Variants in CELF2 observed in about 807,000 individuals in gnomAD.
CELF2 encodes CUG triplet repeat RNA-binding protein 2.
A neutral mutation model predicts 62.6 loss-of-function variants in CELF2; 8 were observed. The observed-to-expected ratio is 0.13, with a 90% CI of 0.07 to 0.23. The LOEUF (loss-of-function observed/expected upper bound fraction) is 0.23. CELF2 is among the 10% of genes least tolerant of loss of function. CELF2 has a pLI of 1.00. For synonymous variants in CELF2, 258 were observed against 250.0 expected, an observed-to-expected ratio of 1.03 and a Z score of -0.30; for missense variants, 333 against 671.0, an observed-to-expected ratio of 0.50 and a Z score of 5.56.
intron 1 of CELF2, among the ~76,000 whole-genome samples, chr10:11,128,912 A>G (rs2059171988): frequency 1.3e-5 from 2 of 152,158 alleles, no homozygotes; most frequent in South Asian, 2.1e-4. Context: ...TTCCAACACT[A>G]TGTTGAACAG....
At position 10,824,027 on chromosome 10, in the gene CELF2, A is replaced by AAG. The variant is rs752972144; in HGVS notation, c.53+25226_53+25227dup. ...ATACATAGATAAATAGATGATAGAT[A>AAG]AGAGAGAGAGAGAGAGATGTTTGTT... On this transcript the variant is annotated intron_variant, in intron 1 of 13. Transcript: ENST00000636488. Among the ~76,000 whole-genome samples the AAG allele has an allele frequency of 1.2e-3, 175 of 150,790 alleles. 1 individual carries two copies. Among genetic ancestry groups the AAG allele is most frequent in the Admixed American group, 6.6e-3 (99 of 15,108 alleles).
chr10:10,700,172 T>C, the CELF2 span, among the ~76,000 whole-genome samples: 1 of 152,136 alleles, frequency 6.6e-6, no homozygotes, highest in Non-Finnish European at 1.5e-5. Flanking sequence ...GATAAATCAT[T>C]GAATCATTGC....
intron 1 of CELF2, among the ~76,000 whole-genome samples, chr10:10,822,387 A>G (rs906432753): frequency 2.0e-5 from 3 of 152,262 alleles, no homozygotes; most frequent in African/African-American, 7.2e-5. Context: ...CCTTGCCTCA[A>G]GGAGAGGAGT....
chr10:10,746,493 A>C, the CELF2 span, among the ~76,000 whole-genome samples: 1 of 152,214 alleles, frequency 6.6e-6, no homozygotes, highest in African/African-American at 2.4e-5. Flanking sequence ...TTGAATTCAA[A>C]AATTTTAGAA....
chr10:11,082,567 C>T (rs1279350918), intron 1 of CELF2, among the ~76,000 whole-genome samples: 1 of 152,242 alleles, frequency 6.6e-6, no homozygotes, highest in Non-Finnish European at 1.5e-5. Flanking sequence ...CACTCCTCTT[C>T]TGTGGCTCTC....
chr10:11,326,354 A>G (rs904072127), intron 12 of CELF2, among the ~76,000 whole-genome samples: 1 of 152,192 alleles, frequency 6.6e-6, no homozygotes, highest in Admixed American at 6.5e-5. Context: ...ACAGACAGAC[A>G]CCCATTCATC....
the CELF2 span, among the ~76,000 whole-genome samples, chr10:10,772,906 C>T: frequency 3.3e-5 from 5 of 152,290 alleles, no homozygotes; most frequent in African/African-American, 1.2e-4. Context: ...GTCATAAAAA[C>T]TTAGCTCTAG....
intron 2 of CELF2, among the ~76,000 whole-genome samples, chr10:11,181,661 A>G (rs1252074044): frequency 6.6e-6 from 1 of 152,072 alleles, no homozygotes; most frequent in Non-Finnish European, 1.5e-5. Flanking sequence ...TGCCCCTCTC[A>G]CTGTGCACAG....
At chr10:10,982,091 G>C (rs1205208451) in intron 2 of CELF2, among the ~76,000 whole-genome samples, 1 of 151,824 alleles carries the variant, frequency 6.6e-6, no homozygotes, top group African/African-American at 2.4e-5. Context: ...GAGTAGCTGG[G>C]ATTATAGGTG....
chr10:10,698,292 G>A, the CELF2 span, among the ~76,000 whole-genome samples: 2 of 152,204 alleles, frequency 1.3e-5, no homozygotes, highest in Admixed American at 6.5e-5. Context: ...ATTGGTAGAA[G>A]AGTCCCATAA....
intron 8 of CELF2, among the ~76,000 whole-genome samples, chr10:11,282,897 C>T (rs1194994136): frequency 6.6e-6 from 1 of 152,214 alleles, no homozygotes; most frequent in South Asian, 2.1e-4. Flanking sequence ...TTCCAAGAAA[C>T]GTGAGGCCCT....
the CELF2 span, among the ~76,000 whole-genome samples, chr10:10,663,496 C>G: frequency 6.6e-6 from 1 of 152,142 alleles, no homozygotes; most frequent in East Asian, 1.9e-4. Flanking sequence ...CTATTCAATC[C>G]ATTTGAAAAC....
chr10:10,792,308 C>G, the CELF2 span: 1 of 397,628 alleles, frequency 2.5e-6, no homozygotes, highest in Non-Finnish European at 4.4e-6. Context: ...TACATTCTAA[C>G]TTTACTTAGG....
the CELF2 span, among the ~76,000 whole-genome samples, chr10:10,500,308 T>A: frequency 6.6e-6 from 1 of 152,172 alleles, no homozygotes; most frequent in South Asian, 2.1e-4. Flanking sequence ...TTTCCCCTAA[T>A]AGTAACATCT....
chr10:11,292,966 T>C (rs2092710059), intron 9 of CELF2, among the ~76,000 whole-genome samples: 1 of 152,162 alleles, frequency 6.6e-6, no homozygotes, highest in East Asian at 1.9e-4. Context: ...GCCTCCAACT[T>C]GGCCCCTTCC....
intron 1 of CELF2, among the ~76,000 whole-genome samples, chr10:10,874,336 A>C (rs1163489605): frequency 6.6e-6 from 1 of 152,116 alleles, no homozygotes; most frequent in Non-Finnish European, 1.5e-5. Flanking sequence ...TCTTAAAAGA[A>C]AGAGTAGTGA....
the CELF2 span, among the ~76,000 whole-genome samples, chr10:10,696,235 G>C: frequency 2.6e-5 from 4 of 151,896 alleles, no homozygotes; most frequent in Non-Finnish European, 5.9e-5. Flanking sequence ...AGGACTCTCA[G>C]CTGGAGGTCT....
At chr10:10,763,651 G>A in the CELF2 span, among the ~76,000 whole-genome samples, 1 of 152,164 alleles carries the variant, frequency 6.6e-6, no homozygotes, top group Admixed American at 6.5e-5. Flanking sequence ...TCAAACAGTG[G>A]AGCTGTTTGA....
At chr10:11,277,664 A>G (rs11815746) in intron 8 of CELF2, among the ~76,000 whole-genome samples, 18,306 of 152,296 alleles carry the variant, frequency 0.12, 2,089 homozygotes, top group African/African-American at 0.3. Flanking sequence ...CCAAAGGAAC[A>G]TTAAACTAAT....
Sources: allele counts gnomAD v4.1 joint callset (sites outside exome capture counted in the v4.1 genomes callset), GRCh38; gene constraint gnomAD v4.1.1; transcripts MANE v1.5; gene names NCBI Gene and HGNC (gene_info 2026-07-23, HGNC 2026-07-21).